CSMD3: variants seen among roughly 807,000 people sequenced by gnomAD.
CSMD3 encodes the protein CUB and sushi domain-containing protein 3.
CSMD3 carries 177 observed loss-of-function variants against 435.2 expected under a neutral mutation model. The observed-to-expected ratio is 0.41, with a 90% CI of 0.36 to 0.46. The LOEUF is 0.46. Ranked by LOEUF, CSMD3 falls within the 20% of genes least tolerant of loss-of-function variation. The pLI is 0.34. For synonymous variants in CSMD3, 1,656 were observed against 1,520.5 expected, an observed-to-expected ratio of 1.09 and a Z score of -2.07; for missense variants, 4,265 against 4,504.6, an observed-to-expected ratio of 0.95 and a Z score of 1.52.
intron 3 of CSMD3, among the ~76,000 whole-genome samples, chr8:113,178,967 T>G (rs963950969): frequency 6.6e-6 from 1 of 151,834 alleles, no homozygotes; most frequent in African/African-American, 2.4e-5. Flanking sequence ...TTTAAAAGAG[T>G]AATTGAGAGT....
At position 113,343,293 on chromosome 8, in the gene CSMD3, G is replaced by A. The variant is rs1056425025; in HGVS notation, c.179-28500C>T. ...AATGAGTTAATCAATAGGAAATGTT[G>A]GTACAGAAATGGGAACTATAAAAAA... On this transcript the variant is annotated intron_variant, in intron 1 of 70. Coordinates refer to ENST00000297405, the MANE Select transcript of CSMD3 (RefSeq NM_198123.2). Among the ~76,000 whole-genome samples, 10 of 152,002 alleles carry A rather than the reference G, an allele frequency of 6.6e-5. No individual in the cohort carries two copies. The South Asian group carries it at 1.9e-3, about 28-fold the overall frequency.
At chr8:113,224,013 C>A (rs1052551497) in intron 3 of CSMD3, among the ~76,000 whole-genome samples, 2 of 151,086 alleles carry the variant, frequency 1.3e-5, no homozygotes, top group African/African-American at 4.8e-5. Context: ...AACATCTAAT[C>A]TTCAGTTAAG....
intron 2 of CSMD3, among the ~76,000 whole-genome samples, chr8:113,288,264 C>T (rs912364473): frequency 6.6e-6 from 1 of 151,704 alleles, no homozygotes; most frequent in African/African-American, 2.4e-5. Flanking sequence ...CCACAATCTT[C>T]TAGAGAAAAC....
chr8:112,512,357 T>C (rs1175262655), intron 28 of CSMD3, among the ~76,000 whole-genome samples: 1 of 152,304 alleles, frequency 6.6e-6, no homozygotes, highest in East Asian at 1.9e-4. Flanking sequence ...GGATGTTGTG[T>C]TATTGGCATA....
Position 112,666,307 on chromosome 8 carries a change from G to T in CSMD3, c.2786C>A (p.Pro929His). The change falls in exon 17 of 71, where the codon CCT becomes CAT. Residue 929 changes from proline (P) to histidine (H), a missense_variant. By Grantham distance (77) the Pro-to-His change is moderately conservative. This residue lies in a region of CSMD3 where 3,255 missense variants were observed against 3,380.2 expected (regional missense o/e 0.96). Transcript: ENST00000297405. ...AAATGTAATTTTGATAGAGTGTCCA[G>T]GTTCAGCTTCAATCACCCACTCACA... ...LNCEWVIEAE[P>H]GHSIKITFER... is the part of the protein sequence containing the mutation. 1 of 1,612,060 alleles carries T rather than the reference G, an allele frequency of 6.2e-7. No individual in the cohort carries two copies. The highest frequency in any genetic ancestry group is 8.5e-7 in the Non-Finnish European group (1 of 1,178,688).
At chr8:112,535,936 T>G (rs894686793) in intron 27 of CSMD3, among the ~76,000 whole-genome samples, 2 of 152,000 alleles carry the variant, frequency 1.3e-5, no homozygotes, top group South Asian at 2.1e-4. Flanking sequence ...ATTCCCTATT[T>G]AATAAATGGT....
chr8:112,547,786 CAGAG>C (rs143314530), intron 27 of CSMD3, among the ~76,000 whole-genome samples: 2 of 151,130 alleles, frequency 1.3e-5, no homozygotes, highest in Non-Finnish European at 3.0e-5. Flanking sequence ...TGGAAAGCAG[CAGAG>C]AGAGAGAGAG....
At chr8:113,249,634 G>A (rs1047340864) in intron 3 of CSMD3, among the ~76,000 whole-genome samples, 1 of 151,778 alleles carries the variant, frequency 6.6e-6, no homozygotes, top group Non-Finnish European at 1.5e-5. Flanking sequence ...TTTGAATATG[G>A]CATATAATAT....
At chr8:112,942,605 C>T (rs192095730) in intron 9 of CSMD3, among the ~76,000 whole-genome samples, 21 of 151,842 alleles carry the variant, frequency 1.4e-4, no homozygotes, top group African/African-American at 4.8e-4. Flanking sequence ...CAAACTAACA[C>T]AGGAATAGAA....
intron 13 of CSMD3, among the ~76,000 whole-genome samples, chr8:112,780,246 A>G (rs2078349427): frequency 6.6e-6 from 1 of 152,090 alleles, no homozygotes; most frequent in South Asian, 2.1e-4. Context: ...GCATTCTCAG[A>G]TACAATAGTG....
At chr8:113,403,499 C>G (rs1045987705) in intron 1 of CSMD3, among the ~76,000 whole-genome samples, 1 of 151,146 alleles carries the variant, frequency 6.6e-6, no homozygotes, top group Admixed American at 6.6e-5. Context: ...GTCAGTAACA[C>G]CAGGGTGAGG....
Position 112,472,619 on chromosome 8 carries a change from A to G in CSMD3, c.5367T>C (p.Val1789=). ...ACTCCTTTGGAACTGCTATAGAATA[A>G]ACACAATTATGTCCCACACTGTAAT... ...PKNYSVGHNC[V]YSIAVPKEFV... Residue 1789 remains valine, a synonymous_variant, in exon 32 of 71, where the codon GTT becomes GTC. Coordinates refer to ENST00000297405, the MANE Select transcript of CSMD3 (RefSeq NM_198123.2). 6.2e-7 allele frequency: 1 copy of G among 1,601,220 alleles called. No homozygotes were observed. The highest frequency in any genetic ancestry group is 1.1e-5 in the South Asian group (1 of 90,824).
chr8:112,282,614 T>A (rs1397123679), intron 58 of CSMD3, among the ~76,000 whole-genome samples: 1 of 152,108 alleles, frequency 6.6e-6, no homozygotes, highest in Non-Finnish European at 1.5e-5. Context: ...TTTCAAGATA[T>A]GGCCAAATCG....
At chr8:112,906,137 A>C (rs1418696044) in intron 10 of CSMD3, among the ~76,000 whole-genome samples, 1 of 151,298 alleles carries the variant, frequency 6.6e-6, no homozygotes, top group African/African-American at 2.4e-5. Context: ...AGAAAGAAAC[A>C]TTTCTTCTTT....
chr8:112,431,484 T>C (rs1390971466), intron 32 of CSMD3, among the ~76,000 whole-genome samples: 1 of 152,076 alleles, frequency 6.6e-6, no homozygotes, highest in East Asian at 1.9e-4. Flanking sequence ...AAGTTGCAGA[T>C]TGCTAGTAAT....
intron 1 of CSMD3, among the ~76,000 whole-genome samples, chr8:113,367,957 C>T (rs184346317): frequency 6.6e-6 from 1 of 151,968 alleles, no homozygotes. Context: ...TCTATTTCCA[C>T]GAATGAAGTG....
chr8:112,762,082 C>T (rs964000387), intron 13 of CSMD3, among the ~76,000 whole-genome samples: 1 of 151,958 alleles, frequency 6.6e-6, no homozygotes, highest in Non-Finnish European at 1.5e-5. Context: ...AGATGCTTTG[C>T]GTAAGTCACC....
At chr8:112,241,899 C>G in intron 65 of CSMD3, 114 bp from the exon 66 acceptor site, 1 of 787,232 alleles carries the variant, frequency 1.3e-6, no homozygotes, top group South Asian at 1.4e-5. Context: ...ATTTTATTCT[C>G]TGACATTTCA....
At chr8:113,164,662 T>C (rs781519220) in intron 4 of CSMD3, among the ~76,000 whole-genome samples, 7 of 152,106 alleles carry the variant, frequency 4.6e-5, no homozygotes, top group Admixed American at 2.0e-4. Context: ...ATTTAAATTC[T>C]GTTCTCTATT....
Sources: allele counts gnomAD v4.1 joint callset (sites outside exome capture counted in the v4.1 genomes callset), GRCh38; gene constraint gnomAD v4.1.1; regional missense constraint gnomAD v4.1.1; transcripts MANE v1.5; gene names NCBI Gene and HGNC (gene_info 2026-07-23, HGNC 2026-07-21).